The following USP34 variants were observed in gnomAD, a reference collection of about 807,000 sequenced individuals.
USP34 encodes the protein ubiquitin carboxyl-terminal hydrolase 34.
In USP34, 70 loss-of-function variants were observed where a neutral mutation model predicts 460.3. The ratio of observed to expected loss-of-function variants is 0.15; its 90% CI spans 0.13 to 0.19. The LOEUF is 0.19. Among genes scored for constraint, USP34 ranks in the 10% least tolerant of loss-of-function variants. The pLI, the probability that USP34 is intolerant of heterozygous loss-of-function variation, is 1.00. For synonymous variants in USP34, 1,647 were observed against 1,405.3 expected (o/e 1.17, Z -3.85); for missense variants, 3,985 against 4,236.2 (o/e 0.94, Z 1.65).
At chr2:61,283,790 A>G (rs1302057337) in intron 35 of USP34, among the ~76,000 whole-genome samples, 6 of 152,172 alleles carry the variant, frequency 3.9e-5, no homozygotes, top group African/African-American at 1.4e-4. Context: ...TAATTTTTGC[A>G]AAAGAGACTA....
At chr2:61,337,180 C>G (rs180770930) in intron 18 of USP34, among the ~76,000 whole-genome samples, 3 of 152,290 alleles carry the variant, frequency 2.0e-5, no homozygotes, top group East Asian at 3.9e-4. Context: ...TCCAACCACT[C>G]AGGGTAGCTA....
rs145902377 is a variant in USP34 at position 61,322,016 on chromosome 2, G to A, written c.3014-2689C>T. On this transcript the variant is annotated intron_variant, in intron 21 of 79. Coordinates refer to ENST00000398571, the MANE Select transcript of USP34 (RefSeq NM_014709.4). ...GGCCGAGGTGGGTGGATCACCTGAG[G>A]TCGGGAGTTCGAGACCAGCCTGACC... 6.5e-3 allele frequency among the ~76,000 whole-genome samples: 988 copies of A among 152,250 alleles called. 12 individuals are homozygous for A. The highest frequency in any genetic ancestry group is 0.023 in the African/African-American group (939 of 41,546).
At chr2:61,190,064 ACCAGCTT>A in intron 78 of USP34, 200 bp downstream of exon 78, 1 of 483,650 alleles carries the variant, frequency 2.1e-6, no homozygotes, top group Non-Finnish European at 3.5e-6. Flanking sequence ...ATTTAATGAT[ACCAGCTT>A]GTAGCTTCCA....
chr2:61,205,515 T>C (rs1052777912), intron 72 of USP34, among the ~76,000 whole-genome samples: 1 of 152,032 alleles, frequency 6.6e-6, no homozygotes, highest in Non-Finnish European at 1.5e-5. Context: ...GTTTCTAATG[T>C]AGTGAAAAAA....
At chr2:61,233,262 C>T (rs892154194) in intron 57 of USP34, among the ~76,000 whole-genome samples, 3 of 151,918 alleles carry the variant, frequency 2.0e-5, no homozygotes, top group Non-Finnish European at 4.4e-5. Flanking sequence ...TATCGAACAG[C>T]CATGAGAAGA....
At chr2:61,320,141 G>A (rs999750647) in intron 21 of USP34, among the ~76,000 whole-genome samples, 4 of 152,238 alleles carry the variant, frequency 2.6e-5, no homozygotes, top group Middle Eastern at 3.4e-3. Context: ...GCATTTCTAC[G>A]AATATGATAG....
At position 61,204,330 on chromosome 2, in the gene USP34, C is replaced by T. The variant is rs746183731; in HGVS notation, c.9310G>A (p.Gly3104Arg). Residue 3104 changes from glycine to arginine, a missense_variant, in exon 74 of 80, where the codon GGG becomes AGG. Gly to Arg is a moderately radical substitution (Grantham distance 125). Coordinates refer to ENST00000398571, the MANE Select transcript of USP34 (RefSeq NM_014709.4). ...CGCGGAGGCCGAATATTGCTTTTCC[C>T]TCCTATTAGCTTGATATTTTCTCGA... Reference protein sequence around the residue: ...PCRENIKLIGGKSNIRPPRPE... With the variant: ...PCRENIKLIGRKSNIRPPRPE... 1.2e-6 allele frequency: 2 copies of T among 1,614,182 alleles called. No homozygotes were observed. Among genetic ancestry groups the T allele is most frequent in the Non-Finnish European group, 1.7e-6 (2 of 1,180,034 alleles).
At chr2:61,229,491 A>G (rs1687830961) in intron 59 of USP34, 57 bp downstream of exon 59, 1 of 1,064,980 alleles carries the variant, frequency 9.4e-7, no homozygotes, top group Admixed American at 2.9e-5. Context: ...AAAAAAAACA[A>G]AAACACCACA....
chr2:61,426,482 G>C (rs1694514209), intron 1 of USP34, among the ~76,000 whole-genome samples: 1 of 152,154 alleles, frequency 6.6e-6, no homozygotes, highest in Non-Finnish European at 1.5e-5. Context: ...CCTGGGGGTG[G>C]CGGTGGCTAC....
chr2:61,299,778 A>C (rs1026278500), intron 29 of USP34, among the ~76,000 whole-genome samples: 6 of 152,098 alleles, frequency 3.9e-5, no homozygotes, highest in Non-Finnish European at 5.9e-5. Flanking sequence ...TAATAAAATA[A>C]ATGGCATCTT....
chr2:61,192,012 T>C lies in USP34; in HGVS notation c.9588+889A>G, dbSNP rs1216892207. Among the ~76,000 whole-genome samples, 3 of 152,346 alleles carry C rather than the reference T, an allele frequency of 2.0e-5. No homozygotes were observed. In the South Asian group the frequency reaches 6.2e-4, roughly 32 times the overall value. On this transcript the variant is annotated intron_variant, in intron 76 of 79. Coordinates refer to ENST00000398571, the MANE Select transcript of USP34 (RefSeq NM_014709.4). ...ATGGAGATGACTCTGATAAGGTCTC[T>C]ACACTTGAGTTCTGTTTTGGAAAAG...
intron 30 of USP34, among the ~76,000 whole-genome samples, chr2:61,296,194 T>G (rs886909716): frequency 6.6e-6 from 1 of 152,048 alleles, no homozygotes; most frequent in Admixed American, 6.6e-5. Context: ...CTCGTGGTTG[T>G]GGTTGCAGTG....
intron 35 of USP34, among the ~76,000 whole-genome samples, chr2:61,284,258 TAAGAC>T (rs1305148168): frequency 3.3e-5 from 5 of 152,186 alleles, no homozygotes; most frequent in Non-Finnish European, 4.4e-5. Context: ...GTCTAAACTT[TAAGAC>T]TCCTTTAAAA....
At chr2:61,253,755 G>C (rs1688649252) in intron 48 of USP34, among the ~76,000 whole-genome samples, 1 of 146,970 alleles carries the variant, frequency 6.8e-6, no homozygotes, top group African/African-American at 2.5e-5. Flanking sequence ...TTTTTTTTGA[G>C]ACATAGTCTT....
At chr2:61,344,085 G>A (rs1273499720) in intron 15 of USP34, 56 bp from the exon 16 acceptor site, 2 of 1,537,922 alleles carry the variant, frequency 1.3e-6, no homozygotes, top group African/African-American at 1.4e-5. Context: ...TCTAATTTGT[G>A]AACCACAAAA....
At chr2:61,467,044 G>T (rs577556487) in intron 1 of USP34, among the ~76,000 whole-genome samples, 9 of 152,022 alleles carry the variant, frequency 5.9e-5, no homozygotes, top group Non-Finnish European at 1.0e-4. Flanking sequence ...GGTGGCTCAC[G>T]CCTGTAATCC....
rs1291602624 is a variant in USP34 at position 61,420,832 on chromosome 2, T to C, written c.45A>G (p.Ile15Met). ...GTCCATCACCACCTTCTACATCTGATACTGAAATAAAAAAGAAATTTTAAA... is the reference window on the plus strand; with the variant it reads ...GTCCATCACCACCTTCTACATCTGACACTGAAATAAAAAAGAAATTTTAAA... ...CADLVEVLNE[I>M]SDVEGGDGLQ... Residue 15 changes from isoleucine (I) to methionine (M), a missense_variant and splice_region_variant, in exon 2 of 80, where the codon ATA becomes ATG. Physicochemically the swap from Ile to Met is conservative, Grantham distance 10. Transcript: ENST00000398571. 1.2e-6 allele frequency: 2 copies of C among 1,603,332 alleles called. No homozygotes were observed. Among genetic ancestry groups the C allele is most frequent in the African/African-American group, 2.7e-5 (2 of 74,460 alleles).
At position 61,288,803 on chromosome 2, in the gene USP34, T is replaced by C. The variant is rs766471131; in HGVS notation, c.4623A>G (p.Leu1541=). The C allele has an allele frequency of 6.2e-7, 1 of 1,613,998 alleles. No individual in the cohort carries two copies. The highest frequency in any genetic ancestry group is 8.5e-7 in the Non-Finnish European group (1 of 1,179,970). ...ACCAGGCAAAGACATCATGATAAGC[T>C]AAATCCAAATCGGATGGATCTACTG... ...QFAVDPSDLD[L]AYHDVFAWSG... is the part of the protein sequence containing the mutation. Residue 1541 remains leucine (L), a synonymous_variant, in exon 34 of 80, where the codon TTA becomes TTG. Coordinates refer to ENST00000398571, the MANE Select transcript of USP34 (RefSeq NM_014709.4).
chr2:61,425,970 T>G (rs1473417407), intron 1 of USP34, among the ~76,000 whole-genome samples: 1 of 152,026 alleles, frequency 6.6e-6, no homozygotes. Context: ...CTCAGAGTCA[T>G]GAGGTCCCCT....
Sources: gnomAD v4.1 joint callset for allele counts (sites outside exome capture counted in the v4.1 genomes callset) on GRCh38, gnomAD v4.1.1 for gene constraint, MANE v1.5 for transcripts, NCBI Gene and HGNC (gene_info 2026-07-23, HGNC 2026-07-21) for gene names.